The following BRINP1 variants were observed in gnomAD, a reference collection of about 807,000 sequenced individuals.
BRINP1 encodes the protein BMP/retinoic acid-inducible neural-specific protein 1.
BRINP1 carries 17 observed loss-of-function variants against 72.9 expected under a neutral mutation model. The observed-to-expected ratio is 0.23, with a 90% CI of 0.16 to 0.35. The LOEUF (loss-of-function observed/expected upper bound fraction) is 0.35, where lower values mean the gene tolerates loss of function less well. BRINP1 is among the 10% of genes least tolerant of loss of function. BRINP1 has a pLI of 1.00. For synonymous variants in BRINP1, 418 were observed against 378.5 expected, an observed-to-expected ratio of 1.10 and a Z score of -1.21; for missense variants, 850 against 1,001.6, an observed-to-expected ratio of 0.85 and a Z score of 2.04.
chr9:119,177,687 T>C (rs1829503720), intron 7 of BRINP1, among the ~76,000 whole-genome samples: 1 of 152,138 alleles, frequency 6.6e-6, no homozygotes, highest in African/African-American at 2.4e-5. Flanking sequence ...GTGGCTGAAC[T>C]CTCAGAATCC....
rs146310694 is a variant in BRINP1 at position 119,208,783 on chromosome 9, G to A, written c.1081C>T (p.Arg361Cys). The A allele has an allele frequency of 1.9e-5, 31 of 1,613,988 alleles. No homozygotes were observed. Among genetic ancestry groups the A allele is most frequent in the Non-Finnish European group, 2.2e-5 (26 of 1,180,044 alleles). The stretch of plus-strand genomic sequence containing the variant: ...CGTACACTGAGGCCGAAAAGCTTGC[G>A]GGCAGTGCGTTGGATCTTTTGTCTC... ...AQRQKIQRTA[R>C]KLFGLSVRCR... The change falls in exon 7 of 8, where the codon CGC (arginine) becomes TGC (cysteine). Residue 361 changes from arginine to cysteine, a missense_variant. Arg to Cys is a radical substitution (Grantham distance 180). Coordinates refer to ENST00000265922, the MANE Select transcript of BRINP1 (RefSeq NM_014618.3).
At chr9:119,286,971 C>A (rs2118968538) in intron 2 of BRINP1, among the ~76,000 whole-genome samples, 1 of 151,824 alleles carries the variant, frequency 6.6e-6, no homozygotes, top group African/African-American at 2.4e-5. Context: ...ATGTGGTTGG[C>A]TGCGTTTGTA....
At chr9:119,196,702 C>T (rs867957017) in intron 7 of BRINP1, among the ~76,000 whole-genome samples, 5 of 152,098 alleles carry the variant, frequency 3.3e-5, no homozygotes, top group Middle Eastern at 3.2e-3. Context: ...AGATATTATC[C>T]TTATTTTACA....
chr9:119,188,360 A>T (rs1829647081), intron 7 of BRINP1, among the ~76,000 whole-genome samples: 1 of 152,226 alleles, frequency 6.6e-6, no homozygotes, highest in South Asian at 2.1e-4. Flanking sequence ...AAAATAAAAA[A>T]AACTTTCAAT....
chr9:119,353,807 ATT>A (rs1445009544), intron 1 of BRINP1, among the ~76,000 whole-genome samples: 4 of 82,708 alleles, frequency 4.8e-5, no homozygotes, highest in Admixed American at 1.1e-4. Flanking sequence ...ATTAAACTTA[ATT>A]TTGTTTTGAG....
intron 2 of BRINP1, among the ~76,000 whole-genome samples, chr9:119,276,273 G>A (rs183503278): frequency 6.6e-6 from 1 of 152,214 alleles, no homozygotes; most frequent in East Asian, 1.9e-4. Flanking sequence ...AAAGCAATAC[G>A]TGAATACAGT....
intron 3 of BRINP1, among the ~76,000 whole-genome samples, chr9:119,244,091 T>A (rs1830288220): frequency 1.3e-5 from 2 of 152,220 alleles, no homozygotes; most frequent in African/African-American, 4.8e-5. Context: ...CTTATAGTCA[T>A]CCTTCAGGTA....
chr9:119,316,516 T>C (rs1402212613), intron 1 of BRINP1, among the ~76,000 whole-genome samples: 1 of 152,184 alleles, frequency 6.6e-6, no homozygotes, highest in Non-Finnish European at 1.5e-5. Flanking sequence ...TAGGGGCTAA[T>C]GCAGCAGGTG....
intron 1 of BRINP1, among the ~76,000 whole-genome samples, chr9:119,348,991 C>A (rs1372794212): frequency 6.6e-6 from 1 of 152,120 alleles, no homozygotes; most frequent in Non-Finnish European, 1.5e-5. Context: ...CCTCCTGGGG[C>A]TTTTACAGGA....
At chr9:119,278,606 G>T (rs1243120254) in intron 2 of BRINP1, among the ~76,000 whole-genome samples, 1 of 152,116 alleles carries the variant, frequency 6.6e-6, no homozygotes, top group African/African-American at 2.4e-5. Context: ...ACAACTTAAA[G>T]CAGCTGGGCG....
chr9:119,356,873 A>G (rs942727304), intron 1 of BRINP1, among the ~76,000 whole-genome samples: 2 of 152,132 alleles, frequency 1.3e-5, no homozygotes, highest in African/African-American at 4.8e-5. Context: ...GGTATACTCA[A>G]TATAGATTTC....
chr9:119,339,661 A>G (rs545019815), intron 1 of BRINP1, among the ~76,000 whole-genome samples: 16 of 152,260 alleles, frequency 1.1e-4, no homozygotes, highest in African/African-American at 3.9e-4. Flanking sequence ...TGTCTTTTTA[A>G]TTTTCTACAG....
At chr9:119,354,543 C>T (rs770678810) in intron 1 of BRINP1, among the ~76,000 whole-genome samples, 1 of 151,996 alleles carries the variant, frequency 6.6e-6, no homozygotes, top group Non-Finnish European at 1.5e-5. Context: ...TGAGAAAACT[C>T]AGGGGATGTG....
intron 3 of BRINP1, among the ~76,000 whole-genome samples, chr9:119,247,657 CAAAAAAAAAAAAAAAA>C (rs3983912): frequency 6.8e-5 from 5 of 73,018 alleles, no homozygotes; most frequent in Admixed American, 1.9e-4. Context: ...GACTCCGTCT[CAAAAAAAAAAAAAAAA>C]AAAAAAAAAA....
Position 119,208,609 on chromosome 9 carries a change from G to T in BRINP1, c.1145+110C>A, listed in dbSNP as rs1411294369. The T allele has an allele frequency of 7.0e-6, 8 of 1,145,836 alleles. No individual in the cohort carries two copies. The South Asian group carries it at 9.9e-5, about 14-fold the overall frequency. 71.0% of individuals were successfully genotyped at this position (1,145,836 alleles called of 1,614,324 possible). On this transcript the variant is annotated intron_variant, in intron 7 of 7. Transcript: ENST00000265922. ...GTTGGTCTGGACCATGCGAGGTCCT[G>T]TTTGCCACCCCACAAATGCACCATC...
intron 1 of BRINP1, among the ~76,000 whole-genome samples, chr9:119,354,995 A>G (rs988020438): frequency 1.3e-5 from 2 of 152,344 alleles, no homozygotes; most frequent in Non-Finnish European, 1.5e-5. Flanking sequence ...AAGGTGGATG[A>G]ATGACTTAGA....
intron 1 of BRINP1, among the ~76,000 whole-genome samples, chr9:119,336,829 G>GA (rs530410688): frequency 6.0e-5 from 9 of 149,876 alleles, no homozygotes; most frequent in East Asian, 3.9e-4. Context: ...AGAGAGAAGA[G>GA]AAAAAAAAAG....
chr9:119,174,241 A>G (rs1016614055), intron 7 of BRINP1, among the ~76,000 whole-genome samples: 13 of 150,408 alleles, frequency 8.6e-5, no homozygotes, highest in Non-Finnish European at 1.6e-4. Flanking sequence ...AATATCCAGA[A>G]TCTACAATGA....
At position 119,253,304 on chromosome 9, in the gene BRINP1, A is replaced by G. The variant is rs560153382; in HGVS notation, c.219-4154T>C. Among the ~76,000 whole-genome samples, 72 of 152,354 alleles carry G rather than the reference A, an allele frequency of 4.7e-4. 1 individual carries two copies. The South Asian group carries it at 0.015, about 31-fold the overall frequency. ...TGGAAATACATATTAAAGAGATAGG[A>G]CCATGTCTTATCACAGCACTATTTA... On this transcript the variant is annotated intron_variant, in intron 2 of 7. Coordinates refer to ENST00000265922, the MANE Select transcript of BRINP1 (RefSeq NM_014618.3).
Sources: gnomAD v4.1 joint callset for allele counts (sites outside exome capture counted in the v4.1 genomes callset) on GRCh38, gnomAD v4.1.1 for gene constraint, MANE v1.5 for transcripts, NCBI Gene and HGNC (gene_info 2026-07-23, HGNC 2026-07-21) for gene names.